The following SHISA9 variants were observed in gnomAD, a reference collection of about 807,000 sequenced individuals.
SHISA9 encodes the protein shisa family member 9, also known as protein shisa-9.
Under a neutral mutation model 38.0 loss-of-function variants are expected in SHISA9, and 13 were observed. The observed-to-expected ratio is 0.34, with a 90% CI of 0.22 to 0.54. The LOEUF (loss-of-function observed/expected upper bound fraction) is 0.54. Among genes scored for constraint, SHISA9 ranks in the 20% least tolerant of loss-of-function variants. The pLI is 0.91. For synonymous variants in SHISA9, 275 were observed against 242.0 expected, an observed-to-expected ratio of 1.14 and a Z score of -1.27; for missense variants, 538 against 575.8, an observed-to-expected ratio of 0.93 and a Z score of 0.67.
chr16:13,365,701 C>T, the SHISA9 span, among the ~76,000 whole-genome samples: 23 of 152,062 alleles, frequency 1.5e-4, no homozygotes, highest in Admixed American at 5.9e-4. Context: ...TCAAGTGATC[C>T]GCCTGCCTTG....
the SHISA9 span, among the ~76,000 whole-genome samples, chr16:13,488,542 T>G: frequency 6.6e-6 from 1 of 152,206 alleles, no homozygotes; most frequent in Non-Finnish European, 1.5e-5. Context: ...TGTTTGGATA[T>G]GTCTAGATAC....
At chr16:13,494,638 G>C in the SHISA9 span, among the ~76,000 whole-genome samples, 1 of 151,860 alleles carries the variant, frequency 6.6e-6, no homozygotes, top group Admixed American at 6.6e-5. Context: ...GAACTTATAG[G>C]GGAATGGTTA....
the SHISA9 span, among the ~76,000 whole-genome samples, chr16:13,433,163 T>C: frequency 6.6e-6 from 1 of 151,968 alleles, no homozygotes; most frequent in Non-Finnish European, 1.5e-5. Context: ...TTACAACTTA[T>C]TAATGCTTAC....
intron 4 of SHISA9, among the ~76,000 whole-genome samples, chr16:13,233,059 G>A (rs997359507): frequency 6.6e-6 from 1 of 152,140 alleles, no homozygotes; most frequent in Admixed American, 6.5e-5. Flanking sequence ...ATGTTTTGGG[G>A]TAAAATATTT....
intron 2 of SHISA9, among the ~76,000 whole-genome samples, chr16:13,160,173 C>A (rs1253261279): frequency 2.0e-5 from 3 of 152,078 alleles, no homozygotes; most frequent in African/African-American, 7.2e-5. Context: ...TGGAAGGAAT[C>A]ACAGGTGAAC....
At chr16:13,108,122 C>G (rs900131327) in intron 2 of SHISA9, among the ~76,000 whole-genome samples, 3 of 149,696 alleles carry the variant, frequency 2.0e-5, no homozygotes, top group Non-Finnish European at 4.5e-5. Context: ...CAAAGAGAGC[C>G]CCCCTCCGGC....
chr16:13,395,521 T>C, the SHISA9 span, among the ~76,000 whole-genome samples: 1 of 152,250 alleles, frequency 6.6e-6, no homozygotes, highest in African/African-American at 2.4e-5. Context: ...TGGCTTGACA[T>C]GCAGAGATGC....
chr16:13,446,479 A>G, the SHISA9 span, among the ~76,000 whole-genome samples: 1 of 152,200 alleles, frequency 6.6e-6, no homozygotes, highest in Non-Finnish European at 1.5e-5. Flanking sequence ...AGTGAGGCCA[A>G]TAAAGCAGGG....
chr16:13,193,586 T>C (rs2142043308), intron 2 of SHISA9, among the ~76,000 whole-genome samples: 1 of 152,296 alleles, frequency 6.6e-6, no homozygotes, highest in South Asian at 2.1e-4. Context: ...CCTCAGGTGA[T>C]CCACCCGCCT....
intron 3 of SHISA9, among the ~76,000 whole-genome samples, chr16:13,204,051 A>G (rs1057341287): frequency 6.6e-5 from 10 of 152,006 alleles, no homozygotes; most frequent in African/African-American, 2.4e-4. Context: ...CCATCCATCC[A>G]TCCTTCTATC....
chr16:13,534,939 C>A, the SHISA9 span, among the ~76,000 whole-genome samples: 3 of 151,976 alleles, frequency 2.0e-5, no homozygotes, highest in Non-Finnish European at 4.4e-5. Context: ...TGCTCGCCAA[C>A]CTTTCCACAA....
At chr16:12,953,619 A>G (rs552312443) in intron 2 of SHISA9, among the ~76,000 whole-genome samples, 9 of 152,354 alleles carry the variant, frequency 5.9e-5, no homozygotes, top group Admixed American at 2.0e-4. Flanking sequence ...TACTGCCTAC[A>G]AGTAGAGACA....
chr16:13,218,768 T>TAG (rs2051194897), intron 4 of SHISA9, among the ~76,000 whole-genome samples: 1 of 152,130 alleles, frequency 6.6e-6, no homozygotes. Flanking sequence ...TCTAAGAAAA[T>TAG]TGACTTAGCC....
At chr16:13,034,872 C>T (rs1233866875) in intron 2 of SHISA9, among the ~76,000 whole-genome samples, 1 of 152,154 alleles carries the variant, frequency 6.6e-6, no homozygotes, top group African/African-American at 2.4e-5. Context: ...CAAGATCGTC[C>T]TACATTAGTC....
chr16:13,400,548 A>G, the SHISA9 span, among the ~76,000 whole-genome samples: 9 of 152,186 alleles, frequency 5.9e-5, no homozygotes, highest in Admixed American at 5.9e-4. Flanking sequence ...GACAATGCCC[A>G]CCATGTCTAA....
At chr16:13,060,039 C>G (rs999093474) in intron 2 of SHISA9, among the ~76,000 whole-genome samples, 2 of 152,150 alleles carry the variant, frequency 1.3e-5, no homozygotes, top group Non-Finnish European at 2.9e-5. Flanking sequence ...GATTATTACC[C>G]CCATTTGACA....
intron 2 of SHISA9, among the ~76,000 whole-genome samples, chr16:13,069,749 G>C (rs186640105): frequency 9.2e-5 from 14 of 152,114 alleles, no homozygotes; most frequent in Non-Finnish European, 1.2e-4. Flanking sequence ...GTGCAGATGA[G>C]GATGTGGGGC....
chr16:13,549,698 G>C, the SHISA9 span, among the ~76,000 whole-genome samples: 5 of 152,132 alleles, frequency 3.3e-5, no homozygotes, highest in Non-Finnish European at 5.9e-5. Flanking sequence ...GAAGTGGGGA[G>C]TATTTTAGAT....
chr16:13,216,363 G>A lies in SHISA9; in HGVS notation c.895+3063G>A, dbSNP rs146954107. 4.3e-4 allele frequency among the ~76,000 whole-genome samples: 66 copies of A among 152,216 alleles called. 1 individual carries two copies. In the Middle Eastern group the frequency reaches 0.01, roughly 24 times the overall value. On this transcript the variant is annotated intron_variant, in intron 4 of 4. Transcript: ENST00000558583. ...CATCATATCACCTACCTCCTAGGTC[G>A]TTGTGAGATAAGGTGTTGAAAACAC... is the stretch of plus-strand genomic sequence containing the variant.
Sources: allele counts gnomAD v4.1 joint callset (sites outside exome capture counted in the v4.1 genomes callset), GRCh38; gene constraint gnomAD v4.1.1; transcripts MANE v1.5; gene names NCBI Gene and HGNC (gene_info 2026-07-23, HGNC 2026-07-21).